The following DDX10 variants were observed in gnomAD, a reference collection of about 807,000 sequenced individuals.
DDX10 encodes the protein DEAD-box helicase 10.
In DDX10, 74 loss-of-function variants were observed where a neutral mutation model predicts 104.3. The ratio of observed to expected loss-of-function variants is 0.71; its 90% confidence interval spans 0.59 to 0.86. The LOEUF (loss-of-function observed/expected upper bound fraction) is 0.86. Among genes scored for constraint, DDX10 ranks in the 40% least tolerant of loss-of-function variants. The pLI, the probability that DDX10 is intolerant of heterozygous loss-of-function variation, is 0.00. For synonymous variants in DDX10, 351 were observed against 353.4 expected (o/e 0.99, Z 0.08); for missense variants, 952 against 1,040.0 (o/e 0.92, Z 1.16).
chr11:108,846,596 A>G (rs755771639), intron 15 of DDX10, among the ~76,000 whole-genome samples: 13 of 152,164 alleles, frequency 8.5e-5, no homozygotes, highest in Non-Finnish European at 1.9e-4. Flanking sequence ...GTTGCAAATG[A>G]TGGAATTCTG....
At chr11:108,854,727 T>A (rs889849099) in intron 16 of DDX10, among the ~76,000 whole-genome samples, 4 of 13,210 alleles carry the variant, frequency 3.0e-4, no homozygotes, top group African/African-American at 4.0e-4. Flanking sequence ...AAGGACACAG[T>A]ATTTTTTTTT....
intron 13 of DDX10, among the ~76,000 whole-genome samples, chr11:108,752,268 C>G (rs955642703): frequency 2.6e-5 from 4 of 152,002 alleles, no homozygotes; most frequent in Non-Finnish European, 4.4e-5. Context: ...TTAAACCTAC[C>G]GGGTTCCTCT....
chr11:108,930,335 A>G (rs1863960785), intron 17 of DDX10, among the ~76,000 whole-genome samples: 1 of 152,106 alleles, frequency 6.6e-6, no homozygotes, highest in Non-Finnish European at 1.5e-5. Context: ...TTGATAGCTC[A>G]TTTCTTTTTA....
At chr11:108,791,756 T>C (rs1861874296) in intron 13 of DDX10, among the ~76,000 whole-genome samples, 1 of 152,206 alleles carries the variant, frequency 6.6e-6, no homozygotes, top group Non-Finnish European at 1.5e-5. Flanking sequence ...TGAAGATTCA[T>C]GTATATGTCT....
intron 17 of DDX10, chr11:108,918,661 A>G (rs1193948190): frequency 2.6e-5 from 4 of 152,132 alleles, no homozygotes; most frequent in Non-Finnish European, 5.9e-5. Flanking sequence ...AAAATAATGG[A>G]ACACTTGTAC....
chr11:108,819,756 G>A (rs994593036), intron 13 of DDX10, among the ~76,000 whole-genome samples: 5 of 152,014 alleles, frequency 3.3e-5, no homozygotes, highest in African/African-American at 9.7e-5. Flanking sequence ...CTGCCACCAC[G>A]CCCAGCTGAT....
At chr11:108,696,984 C>T (rs1015430954) in intron 9 of DDX10, among the ~76,000 whole-genome samples, 11 of 151,976 alleles carry the variant, frequency 7.2e-5, no homozygotes, top group East Asian at 1.9e-4. Context: ...TTGAACATGC[C>T]GTGGTGAACA....
At chr11:108,854,680 G>T (rs1862841478) in intron 16 of DDX10, among the ~76,000 whole-genome samples, 1 of 152,120 alleles carries the variant, frequency 6.6e-6, no homozygotes, top group African/African-American at 2.4e-5. Context: ...TGTGTTTCAT[G>T]CAGCAAACAT....
At chr11:108,806,152 G>T (rs761374310) in intron 13 of DDX10, among the ~76,000 whole-genome samples, 1 of 151,872 alleles carries the variant, frequency 6.6e-6, no homozygotes, top group Non-Finnish European at 1.5e-5. Context: ...TAGTAGAGAC[G>T]GGGTCTCTCC....
At chr11:108,792,722 G>T (rs1254350572) in intron 13 of DDX10, among the ~76,000 whole-genome samples, 2 of 151,648 alleles carry the variant, frequency 1.3e-5, no homozygotes, top group South Asian at 2.1e-4. Flanking sequence ...AGTTTTTCTG[G>T]CTATTCTAGG....
chr11:108,827,571 C>T (rs1004360606), intron 13 of DDX10, among the ~76,000 whole-genome samples: 12 of 152,088 alleles, frequency 7.9e-5, no homozygotes, highest in Non-Finnish European at 1.2e-4. Context: ...GAAGAAAAAT[C>T]CTACGAGACT....
chr11:108,802,996 A>T (rs1286240256), intron 13 of DDX10, among the ~76,000 whole-genome samples: 2 of 152,252 alleles, frequency 1.3e-5, no homozygotes, highest in African/African-American at 4.8e-5. Flanking sequence ...AGGAAAAAGC[A>T]TAGTTTCCAG....
intron 16 of DDX10, among the ~76,000 whole-genome samples, chr11:108,876,693 A>G (rs1863158027): frequency 6.6e-6 from 1 of 152,192 alleles, no homozygotes; most frequent in Non-Finnish European, 1.5e-5. Flanking sequence ...AGTAAGTGAG[A>G]TAACACTTGT....
chr11:108,732,470 C>T (rs2094313465), intron 13 of DDX10, among the ~76,000 whole-genome samples: 1 of 152,156 alleles, frequency 6.6e-6, no homozygotes, highest in Admixed American at 6.5e-5. Context: ...TGTGTGCGCA[C>T]ACTTGGAGTA....
intron 13 of DDX10, among the ~76,000 whole-genome samples, chr11:108,749,483 T>C (rs774526349): frequency 7.2e-5 from 11 of 152,164 alleles, no homozygotes; most frequent in Non-Finnish European, 1.6e-4. Flanking sequence ...AAGGAGCTGA[T>C]CGTTTTTTGT....
chr11:108,685,953 C>T (rs2094243417), intron 6 of DDX10, among the ~76,000 whole-genome samples: 1 of 152,162 alleles, frequency 6.6e-6, no homozygotes, highest in African/African-American at 2.4e-5. Context: ...AAAGGCATTT[C>T]CTTTGAAATA....
chr11:108,721,002 C>G (rs1023229609), intron 12 of DDX10, among the ~76,000 whole-genome samples: 1 of 151,550 alleles, frequency 6.6e-6, no homozygotes, highest in Non-Finnish European at 1.5e-5. Flanking sequence ...CTTATAGAAG[C>G]ACCTTTGAGA....
chr11:108,852,265 A>C (rs1014648641), intron 16 of DDX10, 56 bp downstream of exon 16: 7 of 1,371,122 alleles, frequency 5.1e-6, no homozygotes, highest in Non-Finnish European at 7.1e-6. Context: ...AATGGACAAA[A>C]GCATTTTATA....
chr11:108,678,348 A>G lies in DDX10; in HGVS notation c.571A>G (p.Ile191Val), dbSNP rs758561235. 9 of 1,612,814 alleles carry G rather than the reference A, an allele frequency of 5.6e-6. No individual in the cohort carries two copies. The East Asian group carries it at 6.7e-5, about 12-fold the overall frequency. Residue 191 changes from isoleucine (I) to valine (V), a missense_variant, in exon 5 of 18, where the codon ATA becomes GTA. Ile to Val is a conservative substitution (Grantham distance 29). Coordinates refer to ENST00000322536, the MANE Select transcript of DDX10 (RefSeq NM_004398.4). ...ACACGAAGCTGAGAGGATCAACAACATAAATATACTCGTGTGCACACCAGG... is the reference window on the plus strand; with the variant it reads ...ACACGAAGCTGAGAGGATCAACAACGTAAATATACTCGTGTGCACACCAGG... ...LKHEAERINNINILVCTPGRL... is the reference protein window; with the variant it reads ...LKHEAERINNVNILVCTPGRL...
Sources: allele counts gnomAD v4.1 joint callset (sites outside exome capture counted in the v4.1 genomes callset), GRCh38; gene constraint gnomAD v4.1.1; transcripts MANE v1.5; gene names NCBI Gene and HGNC (gene_info 2026-07-23, HGNC 2026-07-21).